FARS2: variants seen among roughly 807,000 people sequenced by gnomAD.
FARS2 encodes the protein phenylalanine--tRNA ligase, mitochondrial.
In FARS2, 40 loss-of-function variants were observed where a neutral mutation model predicts 46.4. The observed-to-expected ratio is 0.86, with a 90% CI of 0.67 to 1.12. FARS2 has a LOEUF of 1.12. FARS2 is among the 50% of genes most tolerant of loss of function. The pLI is 0.00. For missense variants in FARS2, 513 were observed against 567.9 expected, an observed-to-expected ratio of 0.90 and a Z score of 0.98; for synonymous variants, 234 against 214.9, an observed-to-expected ratio of 1.09 and a Z score of -0.78.
At chr6:5,686,626 A>C (rs1307320043) in intron 6 of FARS2, among the ~76,000 whole-genome samples, 2 of 152,204 alleles carry the variant, frequency 1.3e-5, no homozygotes, top group African/African-American at 4.8e-5. Flanking sequence ...GGTTGGTTCC[A>C]AGTCTTTGCT....
At chr6:5,340,046 G>T (rs1363614724) in intron 1 of FARS2, among the ~76,000 whole-genome samples, 1 of 152,206 alleles carries the variant, frequency 6.6e-6, no homozygotes, top group Non-Finnish European at 1.5e-5. Flanking sequence ...GCCTCCGTTT[G>T]ATTTTTCTTT....
rs1335837577 is a variant in FARS2 at position 5,311,788 on chromosome 6, C to T, written c.-22+50128C>T. On this transcript the variant is annotated intron_variant, in intron 1 of 6. Transcript: ENST00000274680. The surrounding 1 kb of genome is among the most constrained non-coding windows in gnomAD (Gnocchi z 4.1). ...TTGTACTTGTTGGGAAGAAGCAGCT[C>T]ATGTTTGGATCTAGCTGTCAAAAAT... Among the ~76,000 whole-genome samples the T allele has an allele frequency of 1.3e-5, 2 of 152,168 alleles. No individual in the cohort carries two copies. Among genetic ancestry groups the T allele is most frequent in the East Asian group, 3.9e-4 (2 of 5,182 alleles).
chr6:5,501,097 GT>G (rs1767773614), intron 4 of FARS2, among the ~76,000 whole-genome samples: 1 of 151,842 alleles, frequency 6.6e-6, no homozygotes, highest in Non-Finnish European at 1.5e-5. Flanking sequence ...AGGGGTTAGA[GT>G]TGCTAGACAG....
At chr6:5,443,340 CTG>C (rs1763949079) in intron 4 of FARS2, among the ~76,000 whole-genome samples, 1 of 152,212 alleles carries the variant, frequency 6.6e-6, no homozygotes, top group Admixed American at 6.5e-5. Flanking sequence ...TTTTATCAGA[CTG>C]TAGTATTGTT....
chr6:5,616,640 G>A (rs999989363), intron 6 of FARS2, among the ~76,000 whole-genome samples: 6 of 152,264 alleles, frequency 3.9e-5, no homozygotes, highest in Middle Eastern at 3.4e-3. Flanking sequence ...TTAAAAATTT[G>A]TGCATAAAAT....
chr6:5,259,322 G>A (rs1423356306), upstream of FARS2, among the ~76,000 whole-genome samples: 1 of 151,756 alleles, frequency 6.6e-6, no homozygotes, highest in Non-Finnish European at 1.5e-5. Flanking sequence ...TTGGTGCTAG[G>A]TGTTTGGTTA....
At chr6:5,670,426 C>T (rs750930791) in intron 6 of FARS2, among the ~76,000 whole-genome samples, 3 of 152,156 alleles carry the variant, frequency 2.0e-5, no homozygotes, top group Non-Finnish European at 4.4e-5. Flanking sequence ...CTTTTAGCTT[C>T]TAGAGAGTAG....
chr6:5,683,416 A>G lies in FARS2; in HGVS notation c.1217+70096A>G, dbSNP rs145737703. On this transcript the variant is annotated intron_variant, in intron 6 of 6. Transcript: ENST00000274680. ...ATTATTCCTGGGTGAACATTTGCCT[A>G]GCTTTGATTCCAGTGTGCTAAGTTA... Among the ~76,000 whole-genome samples the G allele has an allele frequency of 6.6e-5, 10 of 152,220 alleles. No individual in the cohort carries two copies. The East Asian group carries it at 1.7e-3, about 26-fold the overall frequency.
chr6:5,277,141 C>T (rs550650911), intron 1 of FARS2, among the ~76,000 whole-genome samples: 7 of 151,968 alleles, frequency 4.6e-5, no homozygotes, highest in Non-Finnish European at 7.4e-5. Flanking sequence ...GCACAGATAG[C>T]GAGTGCAGCG....
intron 5 of FARS2, among the ~76,000 whole-genome samples, chr6:5,580,938 C>G (rs1398688152): frequency 1.3e-5 from 2 of 152,174 alleles, no homozygotes; most frequent in African/African-American, 4.8e-5. Flanking sequence ...ATAAACAGAA[C>G]CTTTGGGAAA....
At chr6:5,486,043 T>A (rs1010761466) in intron 4 of FARS2, among the ~76,000 whole-genome samples, 7 of 152,212 alleles carry the variant, frequency 4.6e-5, no homozygotes, top group African/African-American at 1.7e-4. Flanking sequence ...TTTCTGAACT[T>A]CTTTTCCCTG....
At chr6:5,346,689 A>G (rs879592404) in intron 1 of FARS2, among the ~76,000 whole-genome samples, 3 of 152,154 alleles carry the variant, frequency 2.0e-5, no homozygotes, top group Non-Finnish European at 4.4e-5. Flanking sequence ...TACGATTTAC[A>G]TATTACTGTA....
chr6:5,607,281 ATGTATGTGTGTGTG>A (rs61119535), intron 5 of FARS2, among the ~76,000 whole-genome samples: 27,653 of 147,332 alleles, frequency 0.19, 2,827 homozygotes, highest in Non-Finnish European at 0.23. Flanking sequence ...AAAGAATAAT[ATGTATGTGTGTGTG>A]TGTGTGTGTG....
chr6:5,650,236 C>T (rs975312530), intron 6 of FARS2, among the ~76,000 whole-genome samples: 13 of 147,784 alleles, frequency 8.8e-5, no homozygotes, highest in African/African-American at 2.7e-4. Flanking sequence ...ATCCTGGTAC[C>T]GATGTCAAAG....
At position 5,519,299 on chromosome 6, in the gene FARS2, A is replaced by C. The variant is rs567248416; in HGVS notation, c.905-25881A>C. 3.3e-5 allele frequency among the ~76,000 whole-genome samples: 5 copies of C among 152,324 alleles called. No homozygotes were observed. In the South Asian group the frequency reaches 1.0e-3, roughly 32 times the overall value. On this transcript the variant is annotated intron_variant, in intron 4 of 6. Transcript: ENST00000274680. ...CTAGGGGCTCTTGTCAATGTCAGTG[A>C]AAATAATTTAATAGAATGGTGTGAT...
At chr6:5,493,232 A>C (rs1266894486) in intron 4 of FARS2, among the ~76,000 whole-genome samples, 1 of 151,700 alleles carries the variant, frequency 6.6e-6, no homozygotes, top group Non-Finnish European at 1.5e-5. Flanking sequence ...AAAAAAAGAA[A>C]AAGAAAGAAA....
At chr6:5,265,691 A>G (rs941697417) in intron 1 of FARS2, among the ~76,000 whole-genome samples, 2 of 152,230 alleles carry the variant, frequency 1.3e-5, no homozygotes, top group East Asian at 1.9e-4. Flanking sequence ...CCAGAAGTTT[A>G]TACTTTAAAT....
intron 1 of FARS2, among the ~76,000 whole-genome samples, chr6:5,263,658 G>A (rs192666529): frequency 6.6e-6 from 1 of 152,112 alleles, no homozygotes; most frequent in African/African-American, 2.4e-5. Context: ...AAAACAGGAG[G>A]TACCATTTAG....
intron 6 of FARS2, among the ~76,000 whole-genome samples, chr6:5,689,764 C>T (rs1162207083): frequency 6.6e-6 from 1 of 152,142 alleles, no homozygotes; most frequent in African/African-American, 2.4e-5. Context: ...TGTTAACTTC[C>T]TGTCTCGTTG....
Sources: gnomAD v4.1 joint callset for allele counts (sites outside exome capture counted in the v4.1 genomes callset) on GRCh38, gnomAD v4.1.1 for gene constraint, Gnocchi (gnomAD v3.1) non-coding constraint, MANE v1.5 for transcripts, NCBI Gene and HGNC (gene_info 2026-07-23, HGNC 2026-07-21) for gene names.